The following NUTM1 variants were observed in gnomAD, a reference collection of about 807,000 sequenced individuals.
NUTM1 encodes NUT midline carcinoma family member 1, also known as NUT family member 1.
NUTM1 carries 39 observed loss-of-function variants against 88.7 expected under a neutral mutation model. That is an observed-to-expected ratio of 0.44 (90% confidence interval 0.34 to 0.57). The LOEUF is 0.57. Among genes scored for constraint, NUTM1 ranks in the 20% least tolerant of loss-of-function variants. NUTM1 has a pLI of 0.01. For missense variants in NUTM1, 1,350 were observed against 1,414.5 expected (o/e 0.95, Z 0.73); for synonymous variants, 494 against 538.0 (o/e 0.92, Z 1.13).
chr15:34,354,362 T>G, intron 5 of NUTM1, 84 bp from the exon 6 acceptor site: 15 of 1,414,052 alleles, frequency 1.1e-5, no homozygotes, highest in Non-Finnish European at 1.5e-5. Context: ...CCTGTCCATC[T>G]CTTACCTTAG....
At chr15:34,354,791 A>G in intron 6 of NUTM1, 59 bp downstream of exon 6, 1 of 1,545,248 alleles carries the variant, frequency 6.5e-7, no homozygotes, top group Non-Finnish European at 8.9e-7. Context: ...ACTCCCGGGA[A>G]CTAATGATCT....
At position 34,343,682 on chromosome 15, in the gene NUTM1, T is replaced by G. The variant is rs1200798383; in HGVS notation, c.-15T>G. The G allele has an allele frequency of 6.5e-7, 1 of 1,534,128 alleles. No individual in the cohort carries two copies. Among genetic ancestry groups the G allele is most frequent in the Non-Finnish European group, 8.7e-7 (1 of 1,145,480 alleles). On this transcript the variant is annotated 5_prime_UTR_variant, in exon 1 of 8. In the 5' UTR this introduces an upstream ATG that the reference lacks. Transcript: ENST00000537011. The stretch of plus-strand genomic sequence containing the variant: ...TTAAAGTTAGGTCCCTACCGCAAAT[T>G]CAGCGCTCTTTCTTATGGTGGTGAG...
Position 34,348,155 on chromosome 15 carries a change from G to C in NUTM1, c.287G>C (p.Ser96Thr). Residue 96 changes from serine (S) to threonine (T), a missense_variant, in exon 3 of 8, where the codon AGC (serine) becomes ACC (threonine). By Grantham distance (58) the Ser-to-Thr change is moderately conservative. Coordinates refer to ENST00000537011, the MANE Select transcript of NUTM1 (RefSeq NM_001284292.2). ...CCTCTGATGCTCTCTGCTTTCCCCA[G>C]CTCACTGTTGGTGACAGGGGATGGG... ...DNPLMLSAFP[S>T]SLLVTGDGGP... is the part of the protein sequence containing the mutation. 4 of 1,614,194 alleles carry C rather than the reference G, an allele frequency of 2.5e-6. No individual in the cohort carries two copies. Among genetic ancestry groups the C allele is most frequent in the Non-Finnish European group, 3.4e-6 (4 of 1,180,036 alleles).
At chr15:34,354,765 G>C in intron 6 of NUTM1, 33 bp downstream of exon 6, 1 of 1,608,702 alleles carries the variant, frequency 6.2e-7, no homozygotes, top group South Asian at 1.1e-5. Context: ...GTTTCTAGCA[G>C]ATCCTTGGGG....
chr15:34,346,154 G>A, intron 2 of NUTM1, 119 bp downstream of exon 2: 1 of 998,266 alleles, frequency 1.0e-6, no homozygotes, highest in Non-Finnish European at 1.6e-6. Flanking sequence ...ATCACACTTG[G>A]GGAGGCTAGG....
chr15:34,356,580 G>A lies in NUTM1; in HGVS notation c.2572G>A (p.Gly858Arg). 6.2e-7 allele frequency: 1 copy of A among 1,613,922 alleles called. No homozygotes were observed. The change falls in exon 8 of 8, where the codon GGG becomes AGG. Residue 858 changes from glycine (G) to arginine (R), a missense_variant. Around this residue, in one of 5 missense-constraint regions of NUTM1, gnomAD observed 730 missense variants for 728.8 expected, o/e 1.00. Coordinates refer to ENST00000537011, the MANE Select transcript of NUTM1 (RefSeq NM_001284292.2). The stretch of plus-strand genomic sequence containing the variant: ...TCAAGAACAGAGCTGTGAAACCGTA[G>A]GGCATCCCAGTGATCTGTGGGCAGA... ...ENQEQSCETV[G>R]HPSDLWAEGC...
intron 1 of NUTM1, among the ~76,000 whole-genome samples, chr15:34,344,372 G>A (rs1448047884): frequency 2.0e-5 from 3 of 151,400 alleles, no homozygotes; most frequent in South Asian, 2.1e-4. Flanking sequence ...GCGTGGTGGC[G>A]GGCACCTGTA....
intron 1 of NUTM1, among the ~76,000 whole-genome samples, chr15:34,345,029 T>G (rs7170785): frequency 0.14 from 20,880 of 151,968 alleles, 1,544 homozygotes; most frequent in East Asian, 0.33. Flanking sequence ...AAAAAAAAAT[T>G]TAAATCTAAG....
chr15:34,343,361 G>A lies in NUTM1; in HGVS notation c.-336G>A. 1 of 608,380 alleles carries A rather than the reference G, an allele frequency of 1.6e-6. No homozygotes were observed. The highest frequency in any genetic ancestry group is 2.8e-5 in the East Asian group (1 of 35,990). 37.7% of individuals were successfully genotyped at this position (608,380 alleles called of 1,614,324 possible). A position where few individuals can be genotyped will look rare whatever the true frequency, so the allele number is the denominator to read the frequency against. On this transcript the variant is annotated 5_prime_UTR_variant, in exon 1 of 8. In the 5' UTR this introduces an upstream ATG that the reference lacks. Transcript: ENST00000537011. Reference sequence around the variant, plus strand: ...GCGTTAGAGGGGGGTAGGGATGGATGTGGATAGAATATTGACGTATAGAAG... The same window carrying A: ...GCGTTAGAGGGGGGTAGGGATGGATATGGATAGAATATTGACGTATAGAAG...
At chr15:34,349,658 C>G (rs1890671485) in intron 3 of NUTM1, among the ~76,000 whole-genome samples, 1 of 152,178 alleles carries the variant, frequency 6.6e-6, no homozygotes. Flanking sequence ...ATAACACATA[C>G]CACATTTTAT....
chr15:34,352,768 T>C (rs1890731993), intron 4 of NUTM1, among the ~76,000 whole-genome samples: 1 of 148,834 alleles, frequency 6.7e-6, no homozygotes, highest in South Asian at 2.2e-4. Context: ...ATTGGGCCAC[T>C]GCACTTCATC....
At position 34,343,499 on chromosome 15, in the gene NUTM1, G is replaced by C; in HGVS notation, c.-198G>C. The C allele has an allele frequency of 7.8e-7, 1 of 1,284,902 alleles. No individual in the cohort carries two copies. The highest frequency in any genetic ancestry group is 1.1e-6 in the Non-Finnish European group (1 of 942,984). The allele number at this position is 1,284,902 out of a possible 1,614,324, so 79.6% of individuals were successfully genotyped here. On this transcript the variant is annotated 5_prime_UTR_variant, in exon 1 of 8. Coordinates refer to ENST00000537011, the MANE Select transcript of NUTM1 (RefSeq NM_001284292.2). ...CTTTACCCTAGGGAAGAAAGAAGAG[G>C]TTTTCTTCCCTCCCCTCTTTTACAT...
intron 2 of NUTM1, among the ~76,000 whole-genome samples, chr15:34,347,063 T>C (rs1384973664): frequency 6.6e-6 from 1 of 151,962 alleles, no homozygotes; most frequent in Admixed American, 6.6e-5. Flanking sequence ...ACTATGCAAG[T>C]TCCCCATCCA....
intron 5 of NUTM1, 135 bp from the exon 6 acceptor site, chr15:34,354,311 T>A: frequency 1.0e-6 from 1 of 1,003,398 alleles, no homozygotes; most frequent in Non-Finnish European, 1.5e-6. Context: ...CTTACAGAGC[T>A]GGGAGGCAGA....
Position 34,357,289 on chromosome 15 carries a change from C to T in NUTM1, c.3281C>T (p.Pro1094Leu). 6.2e-7 allele frequency: 1 copy of T among 1,614,130 alleles called. No homozygotes were observed. The highest frequency in any genetic ancestry group is 8.5e-7 in the Non-Finnish European group (1 of 1,180,020). Reference sequence around the variant, plus strand: ...GGAGCAAAAGGCCCCAGCAAACTTCCATATCCTGTTGCCAAGTCTGGGAAG... The same window carrying T: ...GGAGCAAAAGGCCCCAGCAAACTTCTATATCCTGTTGCCAAGTCTGGGAAG... ...PAGAKGPSKL[P>L]YPVAKSGKRA... The change falls in exon 8 of 8, where the codon CCA becomes CTA. Residue 1094 changes from proline to leucine, a missense_variant. Physicochemically the swap from Pro to Leu is moderately conservative, Grantham distance 98. Coordinates refer to ENST00000537011, the MANE Select transcript of NUTM1 (RefSeq NM_001284292.2).
In NUTM1 at chr15:34,355,771, C is replaced by T. The variant is rs78773193; in HGVS notation, c.1763C>T (p.Pro588Leu). ...AGGGATGGGAACACTCTGCCATCCC[C>T]CAGCAGCTGGGACCTGCAGCCAGAA... Reference protein sequence around the residue: ...MHRDGNTLPSPSSWDLQPELA... With the variant: ...MHRDGNTLPSLSSWDLQPELA... The change falls in exon 8 of 8, where the codon CCC becomes CTC. Residue 588 changes from proline to leucine, a missense_variant. Pro to Leu is a moderately conservative substitution (Grantham distance 98). Around this residue, in one of 5 missense-constraint regions of NUTM1, gnomAD observed 730 missense variants for 728.8 expected, o/e 1.00. Coordinates refer to ENST00000537011, the MANE Select transcript of NUTM1 (RefSeq NM_001284292.2). This position sits in a 1 kb window ranked among gnomAD's most constrained non-coding sequence, Gnocchi z 4.3. 7,124 of 1,614,178 alleles carry T rather than the reference C, an allele frequency of 4.4e-3. 119 individuals carry two copies. The African/African-American group carries it at 0.05, about 11-fold the overall frequency.
rs201637576 is a variant in NUTM1 at position 34,353,435 on chromosome 15, T to TCTGGG, written c.939-298_939-297insGGCTG. Among the ~76,000 whole-genome samples, 61 of 152,278 alleles carry TCTGGG rather than the reference T, an allele frequency of 4.0e-4. No homozygotes were observed. In the East Asian group the frequency reaches 0.011, roughly 29 times the overall value. ...GTCTCAAACTCTTGGGCTCAAGCAA[T>TCTGGG]CTGCCCACCTCAGCCTCCCAAAGTG... On this transcript the variant is annotated intron_variant, in intron 4 of 7. Transcript: ENST00000537011.
intron 1 of NUTM1, among the ~76,000 whole-genome samples, chr15:34,344,546 GTAGT>G (rs1308790542): frequency 6.7e-6 from 1 of 149,478 alleles, no homozygotes; most frequent in Non-Finnish European, 1.5e-5. Context: ...GTATTTACTT[GTAGT>G]TGCATAAAAA....
intron 3 of NUTM1, among the ~76,000 whole-genome samples, chr15:34,349,786 G>A (rs559396109): frequency 2.9e-4 from 44 of 152,344 alleles, no homozygotes; most frequent in Middle Eastern, 3.4e-3. Flanking sequence ...GATGTACAGC[G>A]TCTTCAGGCT....
Sources: gnomAD v4.1 joint callset for allele counts (sites outside exome capture counted in the v4.1 genomes callset) on GRCh38, gnomAD v4.1.1 for gene constraint, gnomAD v4.1.1 regional missense constraint, Gnocchi (gnomAD v3.1) non-coding constraint, MANE v1.5 for transcripts, NCBI Gene and HGNC (gene_info 2026-07-23, HGNC 2026-07-21) for gene names.